The following SGCD variants were observed in gnomAD, a reference collection of about 807,000 sequenced individuals.
SGCD encodes delta-sarcoglycan.
SGCD carries 18 observed loss-of-function variants against 36.6 expected under a neutral mutation model. The observed-to-expected ratio is 0.49, with a 90% CI of 0.34 to 0.73. The LOEUF is 0.73. Among genes scored for constraint, SGCD ranks in the 30% least tolerant of loss-of-function variants. The pLI is 0.01. For missense variants in SGCD, 387 were observed against 346.7 expected, an observed-to-expected ratio of 1.12 and a Z score of -0.92; for synonymous variants, 133 against 130.6, an observed-to-expected ratio of 1.02 and a Z score of -0.12.
At chr5:156,729,832 A>G (rs570041276) in intron 7 of SGCD, among the ~76,000 whole-genome samples, 35 of 152,328 alleles carry the variant, frequency 2.3e-4, no homozygotes, top group Middle Eastern at 3.4e-3. Context: ...AATTCTTTTT[A>G]GAGTTTCATA....
At chr5:156,510,774 A>C (rs960976930) in intron 4 of SGCD, among the ~76,000 whole-genome samples, 1 of 152,138 alleles carries the variant, frequency 6.6e-6, no homozygotes, top group African/African-American at 2.4e-5. Flanking sequence ...TAAAAGGTAG[A>C]TTTTAAGAAC....
rs539841960 is a variant in SGCD, at chr5:156,397,990, C to G, written c.192+53313C>G. Among the ~76,000 whole-genome samples, 37 of 152,266 alleles carry G rather than the reference C, an allele frequency of 2.4e-4. No individual in the cohort carries two copies. In the South Asian group the frequency reaches 7.1e-3, roughly 29 times the overall value. ...GGCCCTTTGCTTCTGGGTCAGCATC[C>G]AAACCTTTTTAACCCCTTTATACAA... On this transcript the variant is annotated intron_variant, in intron 3 of 8. Coordinates refer to ENST00000337851, the MANE Select transcript of SGCD (RefSeq NM_000337.6).
the SGCD span, among the ~76,000 whole-genome samples, chr5:155,858,733 T>C: frequency 6.6e-6 from 1 of 152,138 alleles, no homozygotes; most frequent in Non-Finnish European, 1.5e-5. Context: ...AAGTTCTGGG[T>C]CGATTAGAAC....
the SGCD span, among the ~76,000 whole-genome samples, chr5:155,845,950 T>C: frequency 6.6e-6 from 1 of 152,212 alleles, no homozygotes; most frequent in Non-Finnish European, 1.5e-5. Context: ...ATGTACTTTG[T>C]TCTGGATAGG....
rs780457881 is a variant in SGCD at position 156,761,658 on chromosome 5, A to C, written c.*2268A>C. ...AAGTAGACTGTCTTTGCATTTTGCC[A>C]TCTGAAGTTCATTAATCTTTAGATG... On this transcript the variant is annotated 3_prime_UTR_variant, in exon 9 of 9. Coordinates refer to ENST00000337851, the MANE Select transcript of SGCD (RefSeq NM_000337.6). 1 of 152,208 alleles carries C rather than the reference A, an allele frequency of 6.6e-6. No homozygotes were observed. Among genetic ancestry groups the C allele is most frequent in the Non-Finnish European group, 1.5e-5 (1 of 68,030 alleles). 9.4% of individuals were successfully genotyped at this position (152,208 alleles called of 1,614,324 possible).
At chr5:156,256,168 A>G (rs972444079) in intron 3 of SGCD, among the ~76,000 whole-genome samples, 4 of 142,162 alleles carry the variant, frequency 2.8e-5, no homozygotes, top group African/African-American at 2.7e-5. Flanking sequence ...CCAAGAGTCT[A>G]TATTCTTTTC....
chr5:156,698,723 C>T (rs1334788216), intron 7 of SGCD, among the ~76,000 whole-genome samples: 1 of 152,098 alleles, frequency 6.6e-6, no homozygotes, highest in Non-Finnish European at 1.5e-5. Context: ...TGGTTCTGCT[C>T]CTAACCCATT....
intron 3 of SGCD, among the ~76,000 whole-genome samples, chr5:156,429,670 A>G (rs749915044): frequency 1.3e-5 from 2 of 151,768 alleles, no homozygotes; most frequent in Non-Finnish European, 2.9e-5. Flanking sequence ...GTTTTGATTC[A>G]AGATTTAGAA....
rs189879704 is a variant in SGCD at position 156,576,245 on chromosome 5, G to C, written c.295-12986G>C. ...CAGCTGCATCCATGTCCCTGCAAAG[G>C]ACGTGAACTCATTCTTTTTCATGGC... On this transcript the variant is annotated intron_variant, in intron 4 of 8. Transcript: ENST00000337851. Among the ~76,000 whole-genome samples, 248 of 152,248 alleles carry C rather than the reference G, an allele frequency of 1.6e-3. 1 individual carries two copies. The highest frequency in any genetic ancestry group is 5.8e-3 in the African/African-American group (241 of 41,540).
At chr5:155,902,500 T>A (rs1034426925) in intron 1 of SGCD, among the ~76,000 whole-genome samples, 4 of 152,208 alleles carry the variant, frequency 2.6e-5, no homozygotes, top group East Asian at 3.8e-4. Context: ...TACTTTTTTT[T>A]ATCAGGGTCA....
intron 3 of SGCD, among the ~76,000 whole-genome samples, chr5:156,180,624 T>C (rs1301336429): frequency 6.6e-6 from 1 of 152,210 alleles, no homozygotes; most frequent in Non-Finnish European, 1.5e-5. Flanking sequence ...GAAAATGAAC[T>C]GACAAAAGTC....
Position 156,452,361 on chromosome 5 carries a change from C to T in SGCD, c.193-56240C>T, listed in dbSNP as rs369744192. On this transcript the variant is annotated intron_variant, in intron 3 of 8. Coordinates refer to ENST00000337851, the MANE Select transcript of SGCD (RefSeq NM_000337.6). ...CACATTTTTCTTTGGATAATGCAAGCTGCAGCTCTCTGCATTTCTCTCTGA... is the reference window on the plus strand; with the variant it reads ...CACATTTTTCTTTGGATAATGCAAGTTGCAGCTCTCTGCATTTCTCTCTGA... Among the ~76,000 whole-genome samples, 13 of 152,304 alleles carry T rather than the reference C, an allele frequency of 8.5e-5. No homozygotes were observed. In the South Asian group the frequency reaches 2.7e-3, roughly 32 times the overall value.
chr5:156,159,513 C>T (rs1763040940), intron 3 of SGCD, among the ~76,000 whole-genome samples: 1 of 151,454 alleles, frequency 6.6e-6, no homozygotes, highest in South Asian at 2.1e-4. Context: ...AACAAAAACC[C>T]TATCATACCT....
chr5:156,084,020 T>C (rs745786889), intron 1 of SGCD, among the ~76,000 whole-genome samples: 15 of 152,320 alleles, frequency 9.8e-5, no homozygotes, highest in Non-Finnish European at 1.6e-4. Context: ...TAAACCTTAA[T>C]ATGATGTAGA....
intron 1 of SGCD, among the ~76,000 whole-genome samples, chr5:155,881,546 A>T (rs1047399218): frequency 1.3e-5 from 2 of 152,196 alleles, no homozygotes; most frequent in African/African-American, 4.8e-5. Context: ...CCTTGCCTTG[A>T]TGTTGATAGC....
chr5:156,750,514 C>T (rs889697209), intron 7 of SGCD, among the ~76,000 whole-genome samples: 2 of 151,972 alleles, frequency 1.3e-5, no homozygotes, highest in African/African-American at 4.8e-5. Flanking sequence ...CCTGTCTCTA[C>T]TAAAAATACA....
At chr5:155,945,744 G>T (rs1757425506) in intron 1 of SGCD, among the ~76,000 whole-genome samples, 1 of 152,228 alleles carries the variant, frequency 6.6e-6, no homozygotes, top group Admixed American at 6.5e-5. Flanking sequence ...GGCGAGATAA[G>T]ATGGGGCTGG....
chr5:155,942,154 A>G (rs1194850084), intron 1 of SGCD, among the ~76,000 whole-genome samples: 1 of 152,206 alleles, frequency 6.6e-6, no homozygotes, highest in Non-Finnish European at 1.5e-5. Context: ...ACATGAACAG[A>G]CATGAACTAT....
rs571650793 is a variant in SGCD at position 156,599,217 on chromosome 5, C to T, written c.502+4166C>T. ...TAATGAGAAGTTTGTCTTTTTGAGT[C>T]GTCAGACTGTATAAACTCTTGGGAG... On this transcript the variant is annotated intron_variant, in intron 6 of 8. Transcript: ENST00000337851. Among the ~76,000 whole-genome samples the T allele has an allele frequency of 3.3e-5, 5 of 152,244 alleles. 1 individual carries two copies. Among genetic ancestry groups the T allele is most frequent in the African/African-American group, 1.2e-4 (5 of 41,546 alleles).
Sources: gnomAD v4.1 joint callset for allele counts (sites outside exome capture counted in the v4.1 genomes callset) on GRCh38, gnomAD v4.1.1 for gene constraint, MANE v1.5 for transcripts, NCBI Gene and HGNC (gene_info 2026-07-23, HGNC 2026-07-21) for gene names.